The following GLCE variants were observed in gnomAD, a reference collection of about 807,000 sequenced individuals.
The protein encoded by GLCE is glucuronic acid epimerase, also known as D-glucuronyl C5-epimerase.
In GLCE, 19 loss-of-function variants were observed where a neutral mutation model predicts 47.9. The observed-to-expected ratio is 0.40, with a 90% CI of 0.28 to 0.58. GLCE has a LOEUF of 0.58. Among genes scored for constraint, GLCE ranks in the 20% least tolerant of loss-of-function variants. The probability of loss-of-function intolerance (pLI) is 0.48; values close to 1 mark genes in which losing one functional copy is unlikely to be tolerated. For synonymous variants in GLCE, 245 were observed against 263.4 expected (o/e 0.93, Z 0.68); for missense variants, 556 against 743.3 (o/e 0.75, Z 2.93).
chr15:69,261,451 A>G (rs1215270384), intron 4 of GLCE, 122 bp downstream of exon 4: 1 of 918,720 alleles, frequency 1.1e-6, no homozygotes, highest in African/African-American at 1.7e-5. Context: ...TACATATATA[A>G]AGTAACAAAT....
intron 2 of GLCE, among the ~76,000 whole-genome samples, chr15:69,253,464 A>C (rs1251590037): frequency 6.6e-6 from 1 of 152,252 alleles, no homozygotes; most frequent in African/African-American, 2.4e-5. Context: ...TTGGCTAATG[A>C]GTCATTCTCC....
chr15:69,255,375 T>A (rs1181800774), intron 2 of GLCE, among the ~76,000 whole-genome samples: 1 of 152,174 alleles, frequency 6.6e-6, no homozygotes, highest in Non-Finnish European at 1.5e-5. Flanking sequence ...AGATTTTAGA[T>A]CTGGGGTGCT....
chr15:69,168,366 G>C lies in GLCE; in HGVS notation c.-105+7609G>C, dbSNP rs551330028. On this transcript the variant is annotated intron_variant, in intron 1 of 4. Transcript: ENST00000261858. ...GTCAATATTGTATCCCCAACATACA[G>C]AACGGTGCATTTTACAAAGTAGGTG... is the stretch of plus-strand genomic sequence containing the variant. Among the ~76,000 whole-genome samples, 3 of 152,308 alleles carry C rather than the reference G, an allele frequency of 2.0e-5. No homozygotes were observed. The East Asian group carries it at 5.8e-4, about 29-fold the overall frequency.
chr15:69,211,302 G>A (rs1024533904), intron 2 of GLCE, among the ~76,000 whole-genome samples: 4 of 151,874 alleles, frequency 2.6e-5, no homozygotes, highest in African/African-American at 4.8e-5. Flanking sequence ...CTATTCACAC[G>A]AATGTATTTG....
At position 69,256,170 on chromosome 15, in the gene GLCE, G is replaced by C; in HGVS notation, c.364G>C (p.Glu122Gln). The change falls in exon 3 of 5, where the codon GAG (glutamate) becomes CAG (glutamine). Residue 122 changes from glutamate to glutamine, a missense_variant. Coordinates refer to ENST00000261858, the MANE Select transcript of GLCE (RefSeq NM_015554.3). ...NDEHTIKGRR[E>Q]GNEVFLPFTW... ...TGAACACACAATTAAAGGGAGACGA[G>C]AGGGGAACGAAGTCTTTCTTCCATT... 3 of 1,614,084 alleles carry C rather than the reference G, an allele frequency of 1.9e-6. No homozygotes were observed. Among genetic ancestry groups the C allele is most frequent in the Non-Finnish European group, 2.5e-6 (3 of 1,179,930 alleles).
chr15:69,183,643 C>T (rs913244043), intron 1 of GLCE, among the ~76,000 whole-genome samples: 4 of 152,236 alleles, frequency 2.6e-5, no homozygotes, highest in African/African-American at 9.6e-5. Flanking sequence ...TATCAGTCTG[C>T]TCCATGTCCC....
chr15:69,197,186 CA>C, intron 1 of GLCE: 1 of 422,062 alleles, frequency 2.4e-6, no homozygotes, highest in South Asian at 1.8e-5. Flanking sequence ...ACCAACGCTT[CA>C]AAAGTTGAAT....
At chr15:69,242,554 G>T (rs1374104596) in intron 2 of GLCE, among the ~76,000 whole-genome samples, 2 of 151,932 alleles carry the variant, frequency 1.3e-5, no homozygotes, top group Non-Finnish European at 2.9e-5. Context: ...TTAGCTCATT[G>T]TCATTAACTG....
At chr15:69,266,336 T>C (rs1243297575) in intron 4 of GLCE, among the ~76,000 whole-genome samples, 2 of 144,924 alleles carry the variant, frequency 1.4e-5, no homozygotes, top group Admixed American at 1.4e-4. Context: ...TTTCCCTTTC[T>C]TTTTTTTTTT....
At chr15:69,245,687 G>A (rs917507907) in intron 2 of GLCE, among the ~76,000 whole-genome samples, 6 of 152,034 alleles carry the variant, frequency 3.9e-5, no homozygotes, top group Non-Finnish European at 7.4e-5. Context: ...TATTGACTAA[G>A]TTTATGTGAT....
At chr15:69,253,591 C>T (rs2052879572) in intron 2 of GLCE, among the ~76,000 whole-genome samples, 1 of 152,012 alleles carries the variant, frequency 6.6e-6, no homozygotes, top group Non-Finnish European at 1.5e-5. Flanking sequence ...TAAGAAAGAA[C>T]TTTATTTTAA....
chr15:69,233,551 A>G (rs2052553736), intron 2 of GLCE, among the ~76,000 whole-genome samples: 1 of 152,226 alleles, frequency 6.6e-6, no homozygotes, highest in Non-Finnish European at 1.5e-5. Context: ...CTTCAAATTC[A>G]GTATATGTTA....
At chr15:69,234,099 T>G (rs999976639) in intron 2 of GLCE, among the ~76,000 whole-genome samples, 1 of 151,246 alleles carries the variant, frequency 6.6e-6, no homozygotes, top group Non-Finnish European at 1.5e-5. Context: ...TGCCTCAACC[T>G]CCCCAGTAGC....
At chr15:69,224,215 G>A (rs1451649698) in intron 2 of GLCE, among the ~76,000 whole-genome samples, 1 of 152,136 alleles carries the variant, frequency 6.6e-6, no homozygotes, top group African/African-American at 2.4e-5. Flanking sequence ...ACTAGGGCTG[G>A]TTGTTTTAGT....
intron 2 of GLCE, among the ~76,000 whole-genome samples, chr15:69,224,179 G>C (rs890496539): frequency 6.6e-6 from 1 of 152,148 alleles, no homozygotes; most frequent in African/African-American, 2.4e-5. Flanking sequence ...AATGTGCTAA[G>C]TCTGGAAATC....
chr15:69,203,856 A>C (rs2052110846), intron 1 of GLCE, among the ~76,000 whole-genome samples: 1 of 152,118 alleles, frequency 6.6e-6, no homozygotes, highest in Admixed American at 6.6e-5. Flanking sequence ...TTACTAGCCC[A>C]ACTGAGAAAC....
intron 1 of GLCE, among the ~76,000 whole-genome samples, chr15:69,178,478 A>G (rs1254016294): frequency 6.6e-6 from 1 of 152,144 alleles, no homozygotes; most frequent in Non-Finnish European, 1.5e-5. Flanking sequence ...TAATAATAGC[A>G]ATATCATCTA....
At chr15:69,265,786 T>C (rs2053077081) in intron 4 of GLCE, among the ~76,000 whole-genome samples, 1 of 152,202 alleles carries the variant, frequency 6.6e-6, no homozygotes, top group African/African-American at 2.4e-5. Context: ...CTTTTCCAGC[T>C]TCCTCACACT....
intron 1 of GLCE, among the ~76,000 whole-genome samples, chr15:69,191,455 G>A (rs1372439391): frequency 6.6e-6 from 1 of 152,156 alleles, no homozygotes; most frequent in African/African-American, 2.4e-5. Context: ...GTTCATGGGT[G>A]AAGTCTGGAG....
Sources: allele counts gnomAD v4.1 joint callset (sites outside exome capture counted in the v4.1 genomes callset), GRCh38; gene constraint gnomAD v4.1.1; transcripts MANE v1.5; gene names NCBI Gene and HGNC (gene_info 2026-07-23, HGNC 2026-07-21).